CEP63: variants seen among roughly 807,000 people sequenced by gnomAD.
The protein encoded by CEP63 is centrosomal protein of 63 kDa.
A neutral mutation model predicts 89.1 loss-of-function variants in CEP63; 84 were observed. The ratio of observed to expected loss-of-function variants is 0.94; its 90% CI spans 0.79 to 1.13. CEP63 has a LOEUF of 1.13. CEP63 is among the 50% of genes most tolerant of loss of function. CEP63 has a pLI of 0.00. For synonymous variants in CEP63, 267 were observed against 272.5 expected, an observed-to-expected ratio of 0.98 and a Z score of 0.20; for missense variants, 838 against 813.3, an observed-to-expected ratio of 1.03 and a Z score of -0.37.
the CEP63 span, among the ~76,000 whole-genome samples, chr3:134,635,906 A>G: frequency 6.6e-6 from 1 of 152,226 alleles, no homozygotes; most frequent in African/African-American, 2.4e-5. Flanking sequence ...CATATTTTTC[A>G]TAACCTGCTT....
the CEP63 span, among the ~76,000 whole-genome samples, chr3:134,677,685 G>T: frequency 6.6e-6 from 1 of 152,068 alleles, no homozygotes; most frequent in Non-Finnish European, 1.5e-5. Context: ...TCCCTGGGCT[G>T]CTGCCTCCAT....
the CEP63 span, among the ~76,000 whole-genome samples, chr3:134,763,134 G>C: frequency 0.13 from 19,613 of 151,374 alleles, 1,397 homozygotes; most frequent in Middle Eastern, 0.18. Flanking sequence ...TAACGTGCAG[G>C]TTAGTTACAT....
chr3:134,667,046 C>T, the CEP63 span, among the ~76,000 whole-genome samples: 1 of 152,208 alleles, frequency 6.6e-6, no homozygotes, highest in Non-Finnish European at 1.5e-5. Context: ...GGGCTCCTCC[C>T]CCGCGTCCTC....
the CEP63 span, among the ~76,000 whole-genome samples, chr3:134,719,248 C>T: frequency 1.3e-5 from 2 of 152,120 alleles, no homozygotes; most frequent in Admixed American, 6.5e-5. Flanking sequence ...AGGGATCCTT[C>T]TGCCTTGGCC....
At chr3:134,672,007 T>C in the CEP63 span, among the ~76,000 whole-genome samples, 7 of 152,294 alleles carry the variant, frequency 4.6e-5, no homozygotes, top group East Asian at 1.4e-3. Context: ...CAGTGATAGA[T>C]GGTTGTCAAG....
At chr3:134,543,265 CGGTT>C (rs1952435943) in intron 6 of CEP63, among the ~76,000 whole-genome samples, 1 of 152,050 alleles carries the variant, frequency 6.6e-6, no homozygotes, top group Non-Finnish European at 1.5e-5. Context: ...TTGTATTTTA[CGGTT>C]AAGAGCACAT....
the CEP63 span, among the ~76,000 whole-genome samples, chr3:134,651,971 C>A: frequency 1.3e-5 from 2 of 152,116 alleles, no homozygotes. Flanking sequence ...ATAAATGCAC[C>A]CCCACATGGA....
At chr3:134,579,468 T>C (rs1264054666), downstream of CEP63, among the ~76,000 whole-genome samples, 1 of 152,244 alleles carries the variant, frequency 6.6e-6, no homozygotes, top group Non-Finnish European at 1.5e-5. Context: ...GTCTTTTAGA[T>C]TATAACCATT....
At chr3:134,732,262 A>G in the CEP63 span, among the ~76,000 whole-genome samples, 1 of 152,192 alleles carries the variant, frequency 6.6e-6, no homozygotes, top group Non-Finnish European at 1.5e-5. Flanking sequence ...AATCAAACCA[A>G]TGCTGTTCAA....
rs543138631 is a variant in CEP63 at position 134,505,024 on chromosome 3, G to A, written c.45-2085G>A. Among the ~76,000 whole-genome samples the A allele has an allele frequency of 4.6e-5, 7 of 151,990 alleles. No homozygotes were observed. In the South Asian group the frequency reaches 1.0e-3, roughly 23 times the overall value. On this transcript the variant is annotated intron_variant, in intron 2 of 14. Transcript: ENST00000675561. Reference sequence around the variant, plus strand: ...CTTTCAGAACATAAATTGTTTTCCCGATTTATTTTTATTATCTGTGTTTTC... The same window carrying A: ...CTTTCAGAACATAAATTGTTTTCCCAATTTATTTTTATTATCTGTGTTTTC...
In CEP63 at chr3:134,549,063, T is replaced by C. The variant is rs797045458; in HGVS notation, c.1069T>C (p.Leu357=). The change falls in exon 10 of 15, where the codon TTG becomes CTG. Residue 357 remains leucine, a splice_region_variant and synonymous_variant. Coordinates refer to ENST00000675561, the MANE Select transcript of CEP63 (RefSeq NM_001353108.3). The stretch of plus-strand genomic sequence containing the variant: ...TGGGATCTTATTTTTGTCATACAGT[T>C]TGGAATCTGTGAGTGCAACGTGTAA... ...QAEVTCLEGS[L]ESVSATCKQL... is the part of the protein sequence containing the mutation. 3 of 1,602,648 alleles carry C rather than the reference T, an allele frequency of 1.9e-6. No homozygotes were observed. The highest frequency in any genetic ancestry group is 1.3e-5 in the African/African-American group (1 of 74,668).
At chr3:134,547,256 G>A in intron 8 of CEP63, 79 bp from the exon 9 acceptor site, 1 of 1,368,212 alleles carries the variant, frequency 7.3e-7, no homozygotes, top group Admixed American at 1.7e-5. Context: ...CAAAAATGAT[G>A]GGGAAACACA....
intron 6 of CEP63, among the ~76,000 whole-genome samples, chr3:134,544,768 C>T (rs1446991153): frequency 2.6e-5 from 4 of 151,920 alleles, no homozygotes; most frequent in East Asian, 3.9e-4. Context: ...AGCCAGGTTG[C>T]GGTTGAATTT....
At chr3:134,680,205 C>G in the CEP63 span, among the ~76,000 whole-genome samples, 1 of 152,196 alleles carries the variant, frequency 6.6e-6, no homozygotes, top group Non-Finnish European at 1.5e-5. Flanking sequence ...TATGAGAAAA[C>G]AAATTTCTGT....
chr3:134,555,191 C>T (rs1215319346), intron 12 of CEP63, among the ~76,000 whole-genome samples: 1 of 151,786 alleles, frequency 6.6e-6, no homozygotes, highest in Non-Finnish European at 1.5e-5. Flanking sequence ...AAACTGGAAG[C>T]ATTCCCTTTG....
chr3:134,775,826 A>G, the CEP63 span, among the ~76,000 whole-genome samples: 1 of 152,154 alleles, frequency 6.6e-6, no homozygotes, highest in African/African-American at 2.4e-5. Context: ...TCCATCATTC[A>G]TTTGATGTGG....
chr3:134,719,892 GT>G, the CEP63 span, among the ~76,000 whole-genome samples: 1 of 152,158 alleles, frequency 6.6e-6, no homozygotes, highest in Non-Finnish European at 1.5e-5. Flanking sequence ...CATTTGGGTT[GT>G]TCCTACTTTT....
intron 3 of CEP63, among the ~76,000 whole-genome samples, chr3:134,511,648 A>T (rs1180061419): frequency 6.6e-6 from 1 of 152,208 alleles, no homozygotes; most frequent in African/African-American, 2.4e-5. Context: ...GTGAGGCCTC[A>T]GGAAACTTAA....
At chr3:134,552,114 C>T in intron 12 of CEP63, 102 bp downstream of exon 12, 2 of 654,532 alleles carry the variant, frequency 3.1e-6, no homozygotes, top group South Asian at 1.8e-5. Context: ...CAACTTAGAT[C>T]CTTTTGCAGA....
Sources: allele counts gnomAD v4.1 joint callset (sites outside exome capture counted in the v4.1 genomes callset), GRCh38; gene constraint gnomAD v4.1.1; transcripts MANE v1.5; gene names NCBI Gene and HGNC (gene_info 2026-07-23, HGNC 2026-07-21).